The following CTDSPL variants were observed in gnomAD, a reference collection of about 807,000 sequenced individuals.
The protein encoded by CTDSPL is CTD small phosphatase-like protein.
In CTDSPL, 8 loss-of-function variants were observed where a neutral mutation model predicts 30.5. The observed-to-expected ratio is 0.26, with a 90% CI of 0.15 to 0.47. The LOEUF is 0.47. Ranked by LOEUF, CTDSPL falls within the 20% of genes least tolerant of loss-of-function variation. The pLI is 0.99. For missense variants in CTDSPL, 248 were observed against 366.1 expected (o/e 0.68, Z 2.63); for synonymous variants, 110 against 137.9 (o/e 0.80, Z 1.42).
chr3:37,910,437 C>T (rs992070609), intron 1 of CTDSPL, among the ~76,000 whole-genome samples: 8 of 152,030 alleles, frequency 5.3e-5, no homozygotes, highest in Non-Finnish European at 1.2e-4. Flanking sequence ...GCCAAGATGG[C>T]GCCATTGCAC....
intron 2 of CTDSPL, among the ~76,000 whole-genome samples, chr3:37,952,308 TA>T (rs1699119344): frequency 1.3e-5 from 2 of 152,196 alleles, no homozygotes; most frequent in South Asian, 4.1e-4. Context: ...TTTTCTCACA[TA>T]AAAAGCCTGA....
intron 1 of CTDSPL, among the ~76,000 whole-genome samples, chr3:37,875,557 A>C (rs1029999877): frequency 6.6e-6 from 1 of 152,202 alleles, no homozygotes; most frequent in Admixed American, 6.5e-5. Flanking sequence ...GTAGCCTTTT[A>C]GTACCAATAA....
chr3:37,964,666 G>C lies in CTDSPL; in HGVS notation c.363G>C (p.Ser121=). 6.2e-7 allele frequency: 1 copy of C among 1,607,894 alleles called. No homozygotes were observed. The highest frequency in any genetic ancestry group is 1.7e-4 in the Middle Eastern group (1 of 6,048). Residue 121 remains serine, a synonymous_variant, in exon 4 of 8, where the codon TCG becomes TCC. Transcript: ENST00000273179. ...IDLDETLVHS[S]FKPISNADFI... is the part of the protein sequence containing the mutation. The stretch of plus-strand genomic sequence containing the variant: ...TAGATGAAACATTGGTGCACAGTTC[G>C]TTTAAGGTAAATCAACATAAAAAAA...
chr3:37,975,506 C>G lies in CTDSPL; in HGVS notation c.520-203C>G, dbSNP rs1699414902. ...AGGCTATCTTTGGAGATGAAACTGA[C>G]AATTCCTGATGGTTGGATGTGAGAG... On this transcript the variant is annotated intron_variant, in intron 6 of 7. Coordinates refer to ENST00000273179, the MANE Select transcript of CTDSPL (RefSeq NM_001008392.2). The surrounding 1 kb of genome is among the most constrained non-coding windows in gnomAD (Gnocchi z 4.9). 6.6e-6 allele frequency among the ~76,000 whole-genome samples: 1 copy of G among 152,176 alleles called. No individual in the cohort carries two copies. The highest frequency in any genetic ancestry group is 6.5e-5 in the Admixed American group (1 of 15,274).
intron 5 of CTDSPL, 122 bp downstream of exon 5, chr3:37,968,004 T>C: frequency 1.5e-6 from 1 of 671,200 alleles, no homozygotes; most frequent in Non-Finnish European, 2.5e-6. Flanking sequence ...AAAGGAAGCA[T>C]ACTGTAATAA....
intron 7 of CTDSPL, among the ~76,000 whole-genome samples, chr3:37,979,624 C>T (rs111947781): frequency 0.13 from 19,520 of 151,868 alleles, 1,370 homozygotes; most frequent in South Asian, 0.24. Flanking sequence ...ATTAGCCAAG[C>T]GTGGTGCCAC....
intron 1 of CTDSPL, among the ~76,000 whole-genome samples, chr3:37,882,517 T>G (rs1698218264): frequency 1.3e-5 from 2 of 151,638 alleles, no homozygotes; most frequent in Non-Finnish European, 2.9e-5. Context: ...CTTAGGAGGC[T>G]GAGGCAGGAG....
At chr3:37,882,373 CAG>C (rs2125592807) in intron 1 of CTDSPL, among the ~76,000 whole-genome samples, 1 of 148,630 alleles carries the variant, frequency 6.7e-6, no homozygotes, top group African/African-American at 2.5e-5. Flanking sequence ...ACCCAGGAGA[CAG>C]AGCTTGCAGT....
intron 1 of CTDSPL, among the ~76,000 whole-genome samples, chr3:37,900,219 G>A (rs2125600742): frequency 6.6e-6 from 1 of 152,316 alleles, no homozygotes; most frequent in African/African-American, 2.4e-5. Context: ...TGGAGCTGGA[G>A]ATAGTGTAGC....
intron 2 of CTDSPL, among the ~76,000 whole-genome samples, chr3:37,955,497 A>G (rs1559643643): frequency 6.6e-6 from 1 of 152,208 alleles, no homozygotes; most frequent in Non-Finnish European, 1.5e-5. Flanking sequence ...CTCCTCCACC[A>G]AATACTATGC....
intron 2 of CTDSPL, 115 bp from the exon 3 acceptor site, chr3:37,956,996 G>T: frequency 2.3e-6 from 2 of 866,654 alleles, no homozygotes; most frequent in Non-Finnish European, 1.9e-6. Context: ...CACCACCAAG[G>T]TACAGAGAAT....
chr3:37,980,032 A>G (rs141539427), intron 7 of CTDSPL, among the ~76,000 whole-genome samples: 20 of 152,246 alleles, frequency 1.3e-4, no homozygotes, highest in African/African-American at 2.6e-4. Flanking sequence ...ATAAATGTCT[A>G]TGTTTCTAAG....
At chr3:37,964,992 C>T (rs1699284119) in intron 4 of CTDSPL, among the ~76,000 whole-genome samples, 1 of 152,108 alleles carries the variant, frequency 6.6e-6, no homozygotes, top group African/African-American at 2.4e-5. Context: ...CCCCAGGATA[C>T]TGTTTATATT....
intron 1 of CTDSPL, among the ~76,000 whole-genome samples, chr3:37,888,493 G>A (rs1394808509): frequency 6.6e-6 from 1 of 152,186 alleles, no homozygotes; most frequent in Non-Finnish European, 1.5e-5. Context: ...CTAGAAGGGT[G>A]TCAGAAAGCA....
intron 1 of CTDSPL, among the ~76,000 whole-genome samples, chr3:37,880,409 G>A (rs1698190002): frequency 6.6e-6 from 1 of 152,118 alleles, no homozygotes; most frequent in Non-Finnish European, 1.5e-5. Context: ...CATCTTGAAA[G>A]ATGTATTTTT....
At chr3:37,951,238 G>C (rs1193087848) in intron 2 of CTDSPL, among the ~76,000 whole-genome samples, 1 of 152,000 alleles carries the variant, frequency 6.6e-6, no homozygotes, top group Non-Finnish European at 1.5e-5. Flanking sequence ...CATGGTGGCG[G>C]GCACCTGTAG....
intron 1 of CTDSPL, among the ~76,000 whole-genome samples, chr3:37,863,658 C>T (rs1397459810): frequency 6.6e-6 from 1 of 152,236 alleles, no homozygotes; most frequent in Non-Finnish European, 1.5e-5. Flanking sequence ...GGGCTCCCAC[C>T]TTTGCTGTGC....
At chr3:37,871,998 G>T (rs913574288) in intron 1 of CTDSPL, among the ~76,000 whole-genome samples, 1 of 151,998 alleles carries the variant, frequency 6.6e-6, no homozygotes, top group African/African-American at 2.4e-5. Context: ...TCTCTGCTGA[G>T]ACTATTTCTT....
intron 1 of CTDSPL, among the ~76,000 whole-genome samples, chr3:37,868,618 T>A (rs895724914): frequency 2.6e-5 from 4 of 152,098 alleles, no homozygotes; most frequent in African/African-American, 9.7e-5. Context: ...TTTTTGTCTC[T>A]GAGTGTCTGG....
Sources: gnomAD v4.1 joint callset for allele counts (sites outside exome capture counted in the v4.1 genomes callset) on GRCh38, gnomAD v4.1.1 for gene constraint, Gnocchi (gnomAD v3.1) non-coding constraint, MANE v1.5 for transcripts, NCBI Gene and HGNC (gene_info 2026-07-23, HGNC 2026-07-21) for gene names.